The following ENOX1 variants were observed in gnomAD, a reference collection of about 807,000 sequenced individuals.
ENOX1 encodes the protein candidate growth-related and time keeping constitutive hydroquinone (NADH) oxidase.
Under a neutral mutation model 82.5 loss-of-function variants are expected in ENOX1, and 42 were observed. The observed-to-expected ratio is 0.51, with a 90% confidence interval of 0.40 to 0.66. The LOEUF is 0.66. Among genes scored for constraint, ENOX1 ranks in the 30% least tolerant of loss-of-function variants. ENOX1 has a pLI of 0.00. For synonymous variants in ENOX1, 271 were observed against 282.2 expected (o/e 0.96, Z 0.40); for missense variants, 608 against 811.6 (o/e 0.75, Z 3.05).
chr13:43,344,143 T>C (rs1317272664), intron 9 of ENOX1, among the ~76,000 whole-genome samples: 1 of 152,194 alleles, frequency 6.6e-6, no homozygotes, highest in East Asian at 1.9e-4. Flanking sequence ...AAGGAAAATG[T>C]GTTCAAGTTT....
intron 1 of ENOX1, among the ~76,000 whole-genome samples, chr13:43,737,607 C>T (rs1316774018): frequency 1.3e-5 from 2 of 152,130 alleles, no homozygotes; most frequent in Non-Finnish European, 2.9e-5. Context: ...ATATACATTA[C>T]CCAAATGCAT....
At chr13:43,716,074 C>T (rs1011875727) in intron 1 of ENOX1, among the ~76,000 whole-genome samples, 6 of 152,218 alleles carry the variant, frequency 3.9e-5, no homozygotes, top group Non-Finnish European at 7.3e-5. Flanking sequence ...AAGTCATTCT[C>T]CGTCCAGCTT....
intron 2 of ENOX1, among the ~76,000 whole-genome samples, chr13:43,491,884 A>T (rs3966864): frequency 0.13 from 20,501 of 152,226 alleles, 1,995 homozygotes; most frequent in East Asian, 0.49. Context: ...GATCAGACCT[A>T]AGTTATTCAC....
intron 15 of ENOX1, among the ~76,000 whole-genome samples, chr13:43,224,485 ATTATC>A (rs1196656632): frequency 2.6e-5 from 4 of 152,218 alleles, no homozygotes; most frequent in Non-Finnish European, 4.4e-5. Context: ...GAAGGATAAA[ATTATC>A]TTTTCTTTCC....
chr13:43,452,276 C>T (rs2057009212), intron 3 of ENOX1, among the ~76,000 whole-genome samples: 1 of 152,134 alleles, frequency 6.6e-6, no homozygotes, highest in Non-Finnish European at 1.5e-5. Context: ...CCTCCTGCCC[C>T]ACACCCCTTG....
chr13:43,452,038 G>T (rs1469428575), intron 3 of ENOX1, among the ~76,000 whole-genome samples: 10 of 152,194 alleles, frequency 6.6e-5, no homozygotes, highest in African/African-American at 2.2e-4. Flanking sequence ...CCTGAAGGAG[G>T]TAATCTTATT....
At position 43,325,702 on chromosome 13, in the gene ENOX1, A is replaced by T. The variant is rs543833775; in HGVS notation, c.1143+717T>A. Among the ~76,000 whole-genome samples the T allele has an allele frequency of 5.9e-5, 9 of 152,366 alleles. No homozygotes were observed. The South Asian group carries it at 1.9e-3, about 32-fold the overall frequency. On this transcript the variant is annotated intron_variant, in intron 10 of 16. Transcript: ENST00000690772. ...ATGAAAAACATTCTTTCATTAAAAA[A>T]AAGAAGCAAAGACAGTATACTTACT... is the stretch of plus-strand genomic sequence containing the variant.
At chr13:43,732,085 TGA>T (rs960341689) in intron 1 of ENOX1, among the ~76,000 whole-genome samples, 24 of 152,226 alleles carry the variant, frequency 1.6e-4, no homozygotes, top group Admixed American at 1.3e-3. Context: ...GAATATAATT[TGA>T]GAAGCTTGTA....
At chr13:43,287,189 A>G (rs970480725) in intron 12 of ENOX1, among the ~76,000 whole-genome samples, 2 of 152,180 alleles carry the variant, frequency 1.3e-5, no homozygotes, top group African/African-American at 4.8e-5. Flanking sequence ...AATAACATGA[A>G]GGTGCTTTTG....
intron 1 of ENOX1, among the ~76,000 whole-genome samples, chr13:43,742,062 T>C (rs1336026204): frequency 1.3e-5 from 2 of 152,184 alleles, no homozygotes; most frequent in African/African-American, 4.8e-5. Context: ...AGAATTTCTA[T>C]AGTCATATTA....
intron 1 of ENOX1, among the ~76,000 whole-genome samples, chr13:43,717,514 T>C (rs1248788869): frequency 6.6e-6 from 1 of 152,066 alleles, no homozygotes; most frequent in African/African-American, 2.4e-5. Context: ...CTAAAAGCAG[T>C]TGCAACAAAA....
chr13:43,424,326 T>C (rs2055159896), intron 3 of ENOX1, among the ~76,000 whole-genome samples: 2 of 152,230 alleles, frequency 1.3e-5, no homozygotes, highest in Non-Finnish European at 1.5e-5. Context: ...GGAAAACATA[T>C]TAAGCTAGAA....
intron 1 of ENOX1, among the ~76,000 whole-genome samples, chr13:43,719,787 A>G (rs2088440814): frequency 6.6e-6 from 1 of 152,122 alleles, no homozygotes; most frequent in Non-Finnish European, 1.5e-5. Context: ...CTAAGGGGCC[A>G]TGCCTGCACC....
intron 12 of ENOX1, among the ~76,000 whole-genome samples, chr13:43,291,895 C>A (rs576491171): frequency 6.6e-6 from 1 of 152,304 alleles, no homozygotes; most frequent in Admixed American, 6.5e-5. Context: ...ATCCCCACAT[C>A]TCCTTAAAAT....
At chr13:43,783,238 T>C (rs1036799825) in intron 1 of ENOX1, among the ~76,000 whole-genome samples, 1 of 152,160 alleles carries the variant, frequency 6.6e-6, no homozygotes, top group East Asian at 1.9e-4. Flanking sequence ...CTTTTAGAGA[T>C]TGAAGGCACA....
At chr13:43,777,800 T>C (rs1040087716) in intron 1 of ENOX1, among the ~76,000 whole-genome samples, 41 of 152,298 alleles carry the variant, frequency 2.7e-4, no homozygotes, top group Non-Finnish European at 3.1e-4. Context: ...TCCACCCCCT[T>C]GGCCTCCCAA....
At chr13:43,551,770 C>T (rs547070927) in intron 2 of ENOX1, among the ~76,000 whole-genome samples, 12 of 152,290 alleles carry the variant, frequency 7.9e-5, no homozygotes, top group Admixed American at 5.9e-4. Flanking sequence ...CACACTCAGC[C>T]AGTGCAGGAG....
At chr13:43,413,419 CTGTGGAA>C (rs1218606538) in intron 3 of ENOX1, among the ~76,000 whole-genome samples, 1 of 151,930 alleles carries the variant, frequency 6.6e-6, no homozygotes, top group African/African-American at 2.4e-5. Context: ...AGATGGTCGT[CTGTGGAA>C]TGTATTCAGA....
chr13:43,643,734 T>C (rs187664071), intron 2 of ENOX1, among the ~76,000 whole-genome samples: 2 of 152,104 alleles, frequency 1.3e-5, no homozygotes, highest in Admixed American at 1.3e-4. Context: ...CACTGTGATA[T>C]AGTGCTATTT....
Sources: allele counts gnomAD v4.1 joint callset (sites outside exome capture counted in the v4.1 genomes callset), GRCh38; gene constraint gnomAD v4.1.1; transcripts MANE v1.5; gene names NCBI Gene and HGNC (gene_info 2026-07-23, HGNC 2026-07-21).